Variants in PPP3CA observed in about 807,000 individuals in gnomAD.
PPP3CA encodes CAM-PRP catalytic subunit.
A neutral mutation model predicts 66.5 loss-of-function variants in PPP3CA; 14 were observed. That is an observed-to-expected ratio of 0.21 (90% confidence interval 0.14 to 0.33). The LOEUF (loss-of-function observed/expected upper bound fraction) is 0.33. PPP3CA is among the 10% of genes least tolerant of loss of function. The pLI, the probability that PPP3CA is intolerant of heterozygous loss-of-function variation, is 1.00. For synonymous variants in PPP3CA, 232 were observed against 226.2 expected, an observed-to-expected ratio of 1.03 and a Z score of -0.23; for missense variants, 317 against 639.5, an observed-to-expected ratio of 0.50 and a Z score of 5.44.
chr4:101,315,677 G>A lies in PPP3CA; in HGVS notation c.58+31062C>T, dbSNP rs184388638. On this transcript the variant is annotated intron_variant, in intron 1 of 13. Coordinates refer to ENST00000394854, the MANE Select transcript of PPP3CA (RefSeq NM_000944.5). ...TAACAATGACTTAAATAAGATAGAA[G>A]CTCAGTTCCCGCTCACAGAAATTAA... Among the ~76,000 whole-genome samples, 10 of 152,306 alleles carry A rather than the reference G, an allele frequency of 6.6e-5. No homozygotes were observed. The East Asian group carries it at 1.7e-3, about 26-fold the overall frequency.
At chr4:101,298,065 A>C (rs1013189029) in intron 1 of PPP3CA, among the ~76,000 whole-genome samples, 2 of 152,104 alleles carry the variant, frequency 1.3e-5, no homozygotes, top group Non-Finnish European at 1.5e-5. Flanking sequence ...GGCAATTCCA[A>C]TAAGTGACTC....
At chr4:101,132,737 T>C (rs1358359688) in intron 2 of PPP3CA, among the ~76,000 whole-genome samples, 1 of 152,198 alleles carries the variant, frequency 6.6e-6, no homozygotes, top group East Asian at 1.9e-4. Flanking sequence ...GACTCCTCCC[T>C]ATCTCATCTT....
chr4:101,261,124 T>A (rs375665729), intron 1 of PPP3CA, among the ~76,000 whole-genome samples: 1 of 152,272 alleles, frequency 6.6e-6, no homozygotes, highest in East Asian at 1.9e-4. Context: ...TTGCTTTACT[T>A]AATTTCCATA....
chr4:101,193,655 G>A (rs1387381136), intron 2 of PPP3CA, among the ~76,000 whole-genome samples: 2 of 152,130 alleles, frequency 1.3e-5, no homozygotes. Context: ...CAGGGGACTA[G>A]GCGGCTTCCT....
chr4:101,108,985 TC>T lies in PPP3CA; in HGVS notation c.352del (p.Asp118ThrfsTer19). 1 of 1,613,690 alleles carries T rather than the reference TC, an allele frequency of 6.2e-7. No homozygotes were observed. The highest frequency in any genetic ancestry group is 8.5e-7 in the Non-Finnish European group (1 of 1,179,730). ...ACTGAAGTACCCTCTGTCAACATAG[TC>T]CCCTAAGAAGAGGTAGCGAGTGTTG... is the stretch of plus-strand genomic sequence containing the variant. ...PANTRYLFLG[D>X]YVDRGYFSIE... is the part of the protein sequence containing the mutation. On this transcript the variant is annotated frameshift_variant, in exon 3 of 14. Coordinates refer to ENST00000394854, the MANE Select transcript of PPP3CA (RefSeq NM_000944.5). LOFTEE classifies it high-confidence loss of function.
At chr4:101,138,277 G>A (rs1722686747) in intron 2 of PPP3CA, among the ~76,000 whole-genome samples, 2 of 152,050 alleles carry the variant, frequency 1.3e-5, no homozygotes, top group African/African-American at 2.4e-5. Flanking sequence ...TTTGAATCTT[G>A]GCTTTTCTTT....
chr4:101,032,618 G>GAT (rs1263795765), intron 11 of PPP3CA, among the ~76,000 whole-genome samples: 2 of 151,992 alleles, frequency 1.3e-5, no homozygotes, highest in African/African-American at 4.8e-5. Context: ...GAGTATCGAA[G>GAT]CTAGATAGAT....
chr4:101,123,463 C>T (rs1300632466), intron 2 of PPP3CA, among the ~76,000 whole-genome samples: 3 of 152,084 alleles, frequency 2.0e-5, no homozygotes, highest in African/African-American at 7.2e-5. Flanking sequence ...CAACATATGT[C>T]ATATTACAGG....
At chr4:101,292,560 G>T (rs923017073) in intron 1 of PPP3CA, among the ~76,000 whole-genome samples, 13 of 152,166 alleles carry the variant, frequency 8.5e-5, no homozygotes, top group Admixed American at 7.2e-4. Context: ...TTACTTTAGA[G>T]CTCTACTTTT....
intron 1 of PPP3CA, among the ~76,000 whole-genome samples, chr4:101,264,976 G>T (rs945336584): frequency 2.0e-5 from 3 of 152,096 alleles, no homozygotes; most frequent in Admixed American, 2.0e-4. Context: ...TCTCTGAGGG[G>T]GAAGTAGCCT....
intron 11 of PPP3CA, among the ~76,000 whole-genome samples, chr4:101,035,288 A>T (rs575529909): frequency 6.6e-6 from 1 of 151,164 alleles, no homozygotes; most frequent in African/African-American, 2.5e-5. Flanking sequence ...AAACAAAAAA[A>T]CAAAACCCCC....
intron 1 of PPP3CA, among the ~76,000 whole-genome samples, chr4:101,324,392 C>T (rs983893155): frequency 6.6e-6 from 1 of 152,142 alleles, no homozygotes; most frequent in Non-Finnish European, 1.5e-5. Flanking sequence ...CTCCATTTCT[C>T]CCCACTGTTC....
intron 10 of PPP3CA, among the ~76,000 whole-genome samples, chr4:101,049,009 C>G (rs1727896140): frequency 6.6e-6 from 1 of 152,084 alleles, no homozygotes; most frequent in Non-Finnish European, 1.5e-5. Flanking sequence ...AAATTTTTCT[C>G]CACCTCTCTT....
intron 2 of PPP3CA, among the ~76,000 whole-genome samples, chr4:101,165,303 G>C (rs1158651276): frequency 6.6e-6 from 1 of 152,036 alleles, no homozygotes; most frequent in Non-Finnish European, 1.5e-5. Flanking sequence ...CTTCCATAAA[G>C]GCAGTCTTTT....
chr4:101,340,024 A>C (rs1729762747), intron 1 of PPP3CA, among the ~76,000 whole-genome samples: 2 of 152,210 alleles, frequency 1.3e-5, no homozygotes, highest in South Asian at 4.1e-4. Context: ...TTTTTAATTT[A>C]GCTCCATATA....
chr4:101,333,092 C>T (rs1336409333), intron 1 of PPP3CA, among the ~76,000 whole-genome samples: 2 of 142,348 alleles, frequency 1.4e-5, no homozygotes, highest in East Asian at 4.2e-4. Flanking sequence ...AAATATAATG[C>T]CATCTTCTTT....
chr4:101,102,714 T>TA (rs201918090), intron 3 of PPP3CA, among the ~76,000 whole-genome samples: 166 of 151,818 alleles, frequency 1.1e-3, no homozygotes, highest in East Asian at 6.6e-3. Context: ...AAGTCTCTTG[T>TA]AAAAAAAAAT....
intron 1 of PPP3CA, among the ~76,000 whole-genome samples, chr4:101,212,207 CTAAGTAT>C (rs553856943): frequency 4.9e-4 from 75 of 152,174 alleles, no homozygotes; most frequent in African/African-American, 1.7e-3. Flanking sequence ...CACAAAAGCC[CTAAGTAT>C]TAAGTAAATG....
At chr4:101,174,293 G>A (rs1723985335) in intron 2 of PPP3CA, among the ~76,000 whole-genome samples, 1 of 151,910 alleles carries the variant, frequency 6.6e-6, no homozygotes, top group Non-Finnish European at 1.5e-5. Flanking sequence ...GAACCTAAAC[G>A]ATGTATTTTC....
Sources: allele counts gnomAD v4.1 joint callset (sites outside exome capture counted in the v4.1 genomes callset), GRCh38; gene constraint gnomAD v4.1.1; transcripts MANE v1.5; gene names NCBI Gene and HGNC (gene_info 2026-07-23, HGNC 2026-07-21).